FAM184A: variants seen among roughly 807,000 people sequenced by gnomAD.
FAM184A encodes family with sequence similarity 184 member A, also known as protein FAM184A.
A neutral mutation model predicts 143.8 loss-of-function variants in FAM184A; 99 were observed. The ratio of observed to expected loss-of-function variants is 0.69; its 90% CI spans 0.58 to 0.81. The LOEUF is 0.81. Among genes scored for constraint, FAM184A ranks in the 40% least tolerant of loss-of-function variants. The pLI is 0.00. For missense variants in FAM184A, 1,217 were observed against 1,310.5 expected (o/e 0.93, Z 1.10); for synonymous variants, 427 against 446.4 (o/e 0.96, Z 0.55).
chr6:119,002,377 A>T (rs1020538056), intron 9 of FAM184A, among the ~76,000 whole-genome samples: 1 of 152,190 alleles, frequency 6.6e-6, no homozygotes, highest in African/African-American at 2.4e-5. Flanking sequence ...TATGGAAATA[A>T]GCAAGCATAA....
At chr6:119,127,006 G>C (rs141380791) in intron 1 of FAM184A, among the ~76,000 whole-genome samples, 1 of 152,292 alleles carries the variant, frequency 6.6e-6, no homozygotes, top group East Asian at 1.9e-4. Flanking sequence ...ATGTTCAGCT[G>C]TTTCCTTTTC....
intron 3 of FAM184A, among the ~76,000 whole-genome samples, chr6:119,022,384 T>C (rs1374370840): frequency 6.6e-6 from 1 of 152,106 alleles, no homozygotes; most frequent in Admixed American, 6.5e-5. Context: ...GACTACTTTA[T>C]TGGTATTTTA....
At chr6:118,983,253 C>A (rs1225722911) in intron 9 of FAM184A, among the ~76,000 whole-genome samples, 1 of 152,102 alleles carries the variant, frequency 6.6e-6, no homozygotes, top group Non-Finnish European at 1.5e-5. Context: ...ATGAAAAGTA[C>A]ATGGCACTTT....
At position 119,024,761 on chromosome 6, in the gene FAM184A, G is replaced by T. The variant is rs1414044471; in HGVS notation, c.212C>A (p.Ala71Asp). 6.2e-7 allele frequency: 1 copy of T among 1,612,736 alleles called. No individual in the cohort carries two copies. Among genetic ancestry groups the T allele is most frequent in the Non-Finnish European group, 8.5e-7 (1 of 1,179,740 alleles). ...TTCTTCTTCATGAGCATCTTTGAGGGCTTGAATTGCAGATTCATGCTCATC... is the reference window on the plus strand; with the variant it reads ...TTCTTCTTCATGAGCATCTTTGAGGTCTTGAATTGCAGATTCATGCTCATC... Reference protein sequence around the residue: ...KNDEHESAIQALKDAHEEEIQ... With the variant: ...KNDEHESAIQDLKDAHEEEIQ... The change falls in exon 2 of 18, where the codon GCC becomes GAC. Residue 71 changes from alanine to aspartate, a missense_variant. By Grantham distance (126) the Ala-to-Asp change is moderately radical. Coordinates refer to ENST00000338891, the MANE Select transcript of FAM184A (RefSeq NM_024581.6).
intron 1 of FAM184A, among the ~76,000 whole-genome samples, chr6:119,055,179 T>C (rs1461416452): frequency 1.1e-4 from 17 of 152,178 alleles, no homozygotes; most frequent in Non-Finnish European, 1.9e-4. Context: ...CTCTTTCACT[T>C]AGCATAATGT....
chr6:119,110,750 A>T (rs1788910806), intron 1 of FAM184A, among the ~76,000 whole-genome samples: 1 of 152,228 alleles, frequency 6.6e-6, no homozygotes, highest in Non-Finnish European at 1.5e-5. Flanking sequence ...TTTATATTTC[A>T]CAATTAAAGT....
chr6:119,091,029 A>G (rs957487053), intron 1 of FAM184A, among the ~76,000 whole-genome samples: 3 of 152,308 alleles, frequency 2.0e-5, no homozygotes, highest in East Asian at 1.9e-4. Flanking sequence ...AGTATGAAAA[A>G]TGCCTTTCTT....
At chr6:119,146,892 T>C (rs1439526867) in intron 1 of FAM184A, among the ~76,000 whole-genome samples, 1 of 137,082 alleles carries the variant, frequency 7.3e-6, no homozygotes, top group East Asian at 2.4e-4. Flanking sequence ...TACCCAGGGT[T>C]TCCTCCCAGA....
intron 9 of FAM184A, among the ~76,000 whole-genome samples, chr6:119,000,404 C>T (rs1784712750): frequency 6.6e-6 from 1 of 152,098 alleles, no homozygotes; most frequent in African/African-American, 2.4e-5. Flanking sequence ...AAAGAGAGAA[C>T]ACAATGAAAT....
At chr6:118,980,854 ACT>A (rs914793986) in intron 9 of FAM184A, among the ~76,000 whole-genome samples, 9 of 152,126 alleles carry the variant, frequency 5.9e-5, no homozygotes, top group Non-Finnish European at 1.3e-4. Context: ...CTTTGAACAG[ACT>A]CTGGCATGTA....
rs574014520 is a variant in FAM184A at position 119,026,088 on chromosome 6, C to T, written c.160-1275G>A. On this transcript the variant is annotated intron_variant, in intron 1 of 17. Coordinates refer to ENST00000338891, the MANE Select transcript of FAM184A (RefSeq NM_024581.6). ...GGGGCATCACTTTCTCCACATAGGG[C>T]TTTGTCTTCCAGATCCAGTGGCCCT... Among the ~76,000 whole-genome samples, 109 of 152,240 alleles carry T rather than the reference C, an allele frequency of 7.2e-4. 2 individuals are homozygous for T. Among genetic ancestry groups the T allele is most frequent in the Non-Finnish European group, 1.0e-3 (69 of 68,016 alleles).
In FAM184A at chr6:119,038,775, G is replaced by A. The variant is rs1041924848; in HGVS notation, c.160-13962C>T. 4.6e-5 allele frequency among the ~76,000 whole-genome samples: 7 copies of A among 151,962 alleles called. No homozygotes were observed. In the East Asian group the frequency reaches 5.8e-4, roughly 13 times the overall value. ...ACCGGCCCTGAATTCTTTCTTGAGC[G>A]AGATCCAGGAACCCTCTCTTGGGGT... is the stretch of plus-strand genomic sequence containing the variant. On this transcript the variant is annotated intron_variant, in intron 1 of 17. Transcript: ENST00000338891.
chr6:119,118,072 C>T (rs1252909947), intron 1 of FAM184A, among the ~76,000 whole-genome samples: 1 of 152,150 alleles, frequency 6.6e-6, no homozygotes, highest in Non-Finnish European at 1.5e-5. Flanking sequence ...CTGTATATGG[C>T]CTTTGGGGCA....
intron 1 of FAM184A, among the ~76,000 whole-genome samples, chr6:119,033,257 G>A (rs1038418766): frequency 1.3e-5 from 2 of 152,086 alleles, no homozygotes; most frequent in African/African-American, 4.8e-5. Flanking sequence ...GGCTTGCTTC[G>A]GAGGTGATGA....
chr6:119,068,524 C>T (rs987680700), intron 1 of FAM184A, among the ~76,000 whole-genome samples: 13 of 152,056 alleles, frequency 8.5e-5, no homozygotes, highest in African/African-American at 1.4e-4. Context: ...CAAGACAGCC[C>T]TGAGTGGTTA....
intron 1 of FAM184A, among the ~76,000 whole-genome samples, chr6:119,043,050 T>C (rs754583893): frequency 2.7e-4 from 41 of 152,114 alleles, no homozygotes; most frequent in Non-Finnish European, 4.7e-4. Context: ...TCTATTCACA[T>C]TGACATTTGG....
chr6:119,114,057 G>T (rs1047320530), intron 1 of FAM184A, among the ~76,000 whole-genome samples: 10 of 152,068 alleles, frequency 6.6e-5, no homozygotes, highest in Non-Finnish European at 2.9e-5. Context: ...CTTTATCATA[G>T]GTATGTATGT....
chr6:118,966,367 GA>G (rs1387397683), intron 15 of FAM184A, among the ~76,000 whole-genome samples: 1 of 152,102 alleles, frequency 6.6e-6, no homozygotes, highest in Non-Finnish European at 1.5e-5. Flanking sequence ...CTAGATTATG[GA>G]ACATTTTTTT....
At chr6:119,033,375 A>G (rs1008452705) in intron 1 of FAM184A, among the ~76,000 whole-genome samples, 7 of 152,158 alleles carry the variant, frequency 4.6e-5, no homozygotes, top group East Asian at 1.9e-4. Context: ...TCACTGCAAC[A>G]TAAGAAAAGG....
Sources: allele counts gnomAD v4.1 joint callset (sites outside exome capture counted in the v4.1 genomes callset), GRCh38; gene constraint gnomAD v4.1.1; transcripts MANE v1.5; gene names NCBI Gene and HGNC (gene_info 2026-07-23, HGNC 2026-07-21).